COPS2: variants seen among roughly 807,000 people sequenced by gnomAD.
COPS2 encodes the protein COP9 signalosome subunit 2, also known as COP9 signalosome complex subunit 2.
Under a neutral mutation model 66.1 loss-of-function variants are expected in COPS2, and 10 were observed. The observed-to-expected ratio is 0.15, with a 90% CI of 0.09 to 0.26. COPS2 has a LOEUF of 0.26. Ranked by LOEUF, COPS2 falls within the 10% of genes least tolerant of loss-of-function variation. The pLI is 1.00. For missense variants in COPS2, 215 were observed against 513.3 expected (o/e 0.42, Z 5.62); for synonymous variants, 179 against 171.3 (o/e 1.04, Z -0.35).
intron 3 of COPS2, among the ~76,000 whole-genome samples, chr15:49,143,652 A>G (rs923815875): frequency 2.0e-5 from 3 of 152,238 alleles, no homozygotes; most frequent in African/African-American, 7.2e-5. Context: ...TTAAAACTCC[A>G]AAGTAAACAC....
intron 4 of COPS2, among the ~76,000 whole-genome samples, chr15:49,138,040 T>C (rs974009347): frequency 6.6e-6 from 1 of 152,184 alleles, no homozygotes. Context: ...TCTATAAATA[T>C]GACTAAGTAA....
chr15:49,150,032 T>C (rs933524877), intron 1 of COPS2, among the ~76,000 whole-genome samples: 2 of 152,098 alleles, frequency 1.3e-5, no homozygotes, highest in Admixed American at 1.3e-4. Flanking sequence ...CGGTGGCTCA[T>C]GCCTGTAATC....
chr15:49,150,886 C>T (rs899389725), intron 1 of COPS2, among the ~76,000 whole-genome samples: 1 of 152,008 alleles, frequency 6.6e-6, no homozygotes, highest in Admixed American at 6.6e-5. Flanking sequence ...CTAACCTGCA[C>T]ATGTACCCTT....
intron 1 of COPS2, among the ~76,000 whole-genome samples, chr15:49,152,064 TTAAC>T (rs1276280758): frequency 6.6e-6 from 1 of 151,732 alleles, no homozygotes; most frequent in Non-Finnish European, 1.5e-5. Context: ...AGTTAACACT[TTAAC>T]TAAAACGAGG....
chr15:49,143,087 C>A (rs1368716983), intron 3 of COPS2, among the ~76,000 whole-genome samples: 1 of 152,104 alleles, frequency 6.6e-6, no homozygotes, highest in Non-Finnish European at 1.5e-5. Context: ...TGAGCAGAGA[C>A]CTGAATCAAA....
chr15:49,139,995 C>CT (rs935901678), intron 3 of COPS2, among the ~76,000 whole-genome samples: 92 of 150,952 alleles, frequency 6.1e-4, no homozygotes, highest in Non-Finnish European at 9.5e-4. Context: ...CAAGTATTTT[C>CT]TTTTTTTTTG....
intron 3 of COPS2, among the ~76,000 whole-genome samples, chr15:49,140,241 C>T (rs778711902): frequency 6.6e-6 from 1 of 151,894 alleles, no homozygotes; most frequent in East Asian, 1.9e-4. Flanking sequence ...GTGATCTGCC[C>T]GCCTTGGCCT....
chr15:49,151,612 T>G (rs1226867556), intron 1 of COPS2, among the ~76,000 whole-genome samples: 1 of 152,024 alleles, frequency 6.6e-6, no homozygotes, highest in Admixed American at 6.5e-5. Context: ...TGATTATTAT[T>G]TAGTGTTACT....
At chr15:49,141,723 A>G (rs1045709452) in intron 3 of COPS2, among the ~76,000 whole-genome samples, 10 of 152,222 alleles carry the variant, frequency 6.6e-5, no homozygotes, top group African/African-American at 2.4e-4. Flanking sequence ...GGGCAGGTAC[A>G]GAAGCTGAAA....
chr15:49,145,051 G>T lies in COPS2; in HGVS notation c.82C>A (p.Pro28Thr). 6.3e-7 allele frequency: 1 copy of T among 1,594,082 alleles called. No individual in the cohort carries two copies. Among genetic ancestry groups the T allele is most frequent in the Non-Finnish European group, 8.6e-7 (1 of 1,168,918 alleles). The change falls in exon 2 of 13, where the codon CCA becomes ACA. Residue 28 changes from proline (P) to threonine (T), a missense_variant. Pro to Thr is a conservative substitution (Grantham distance 38). Transcript: ENST00000388901. ...LEYSEDSNSE[P>T]NVDLENQYYN... is the part of the protein sequence containing the mutation. ...TACTGATTTTCCAAATCCACATTTG[G>T]CTCGGAGTTACTATCTTCAGAGTAT... is the stretch of plus-strand genomic sequence containing the variant.
At chr15:49,139,749 A>G (rs959954353) in intron 3 of COPS2, 96 bp from the exon 4 acceptor site, 30 of 864,662 alleles carry the variant, frequency 3.5e-5, no homozygotes, top group Non-Finnish European at 5.0e-5. Context: ...ACATAATGAA[A>G]TGTAGTTCAT....
chr15:49,154,158 T>C (rs566157978), intron 1 of COPS2, among the ~76,000 whole-genome samples: 1 of 152,102 alleles, frequency 6.6e-6, no homozygotes, highest in African/African-American at 2.4e-5. Context: ...CAAAATACTA[T>C]GAATCAATTA....
chr15:49,145,114 A>G, intron 1 of COPS2, 36 bp from the exon 2 acceptor site: 7 of 1,202,086 alleles, frequency 5.8e-6, no homozygotes, highest in South Asian at 1.4e-5. Flanking sequence ...AAAGAAAAAA[A>G]GAAAAGAAAC....
chr15:49,145,117 AAAG>A, intron 1 of COPS2, 39 bp from the exon 2 acceptor site: 2 of 1,137,650 alleles, frequency 1.8e-6, no homozygotes, highest in Non-Finnish European at 2.5e-6. Context: ...GAAAAAAAGA[AAAG>A]AAACCCACAC....
chr15:49,135,265 C>T (rs917876337), intron 6 of COPS2, among the ~76,000 whole-genome samples: 1 of 152,106 alleles, frequency 6.6e-6, no homozygotes, highest in African/African-American at 2.4e-5. Flanking sequence ...ATGTTTTTAT[C>T]TAGGAGATTT....
At chr15:49,131,936 G>A (rs549661110) in intron 9 of COPS2, among the ~76,000 whole-genome samples, 72 of 152,182 alleles carry the variant, frequency 4.7e-4, no homozygotes, top group African/African-American at 1.7e-3. Flanking sequence ...CTAATACAGT[G>A]GCTTTGCTGG....
chr15:49,136,974 G>A (rs1205475294), intron 6 of COPS2, among the ~76,000 whole-genome samples, 176 bp downstream of exon 6: 1 of 150,832 alleles, frequency 6.6e-6, no homozygotes, highest in Non-Finnish European at 1.5e-5. Flanking sequence ...CTGGGTGACA[G>A]AGCCATACCC....
At position 49,125,122 on chromosome 15, in the gene COPS2, A is replaced by G. The variant is rs1272190193; in HGVS notation, c.*2828T>C. On this transcript the variant is annotated 3_prime_UTR_variant, in exon 13 of 13. Coordinates refer to ENST00000388901, the MANE Select transcript of COPS2 (RefSeq NM_004236.4). ...TAAGGTAACAAACACTACCACCCAC[A>G]GTATAGCTCATTTAAAATAGGCCTC... 6.6e-6 allele frequency: 1 copy of G among 152,188 alleles called. No homozygotes were observed. Among genetic ancestry groups the G allele is most frequent in the Non-Finnish European group, 1.5e-5 (1 of 68,008 alleles). The allele number at this position is 152,188 out of a possible 1,614,324, so 9.4% of individuals were successfully genotyped here. A position where few individuals can be genotyped will look rare whatever the true frequency, so the allele number is the denominator to read the frequency against.
chr15:49,154,599 T>G (rs1301504592), intron 1 of COPS2, among the ~76,000 whole-genome samples: 1 of 152,170 alleles, frequency 6.6e-6, no homozygotes, highest in African/African-American at 2.4e-5. Flanking sequence ...AAGAACCATA[T>G]GAAACACCCC....
Sources: allele counts gnomAD v4.1 joint callset (sites outside exome capture counted in the v4.1 genomes callset), GRCh38; gene constraint gnomAD v4.1.1; transcripts MANE v1.5; gene names NCBI Gene and HGNC (gene_info 2026-07-23, HGNC 2026-07-21).